The following IL17B variants were observed in gnomAD, a reference collection of about 807,000 sequenced individuals.
IL17B encodes interleukin 17B, also known as interleukin-17B.
Under a neutral mutation model 14.7 loss-of-function variants are expected in IL17B, and 14 were observed. The observed-to-expected ratio is 0.95, with a 90% confidence interval of 0.63 to 1.49. IL17B has a LOEUF of 1.49. Among genes scored for constraint, IL17B ranks in the 40% most tolerant of loss-of-function variants. IL17B has a pLI of 0.00. For missense variants in IL17B, 233 were observed against 252.8 expected, an observed-to-expected ratio of 0.92 and a Z score of 0.53; for synonymous variants, 105 against 94.8, an observed-to-expected ratio of 1.11 and a Z score of -0.62.
intron 1 of IL17B, among the ~76,000 whole-genome samples, chr5:149,397,295 G>C (rs1253429433): frequency 6.6e-6 from 1 of 151,970 alleles, no homozygotes; most frequent in Non-Finnish European, 1.5e-5. Flanking sequence ...TCAGCCTCCC[G>C]AGTAGCAGGA....
rs1491235916 is a variant in IL17B at position 149,390,630 on chromosome 5, C to CACACACACAGAG, written n.95+13477_95+13478insCTCTGTGTGTGT. On this transcript the variant is annotated intron_variant and non_coding_transcript_variant, in intron 1 of 2. Coordinates refer to the IL17B transcript ENST00000505432. ...ACACACACACACACACACACACACACAGAGATACACAAGGCCCTCCAAGTC... is the reference window on the plus strand; with the variant it reads ...ACACACACACACACACACACACACACACACACACAGAGAGAGATACACAAGGCCCTCCAAGTC... 5.1e-3 allele frequency among the ~76,000 whole-genome samples: 667 copies of CACACACACAGAG among 132,020 alleles called. 6 individuals are homozygous for CACACACACAGAG. The highest frequency in any genetic ancestry group is 0.011 in the African/African-American group (372 of 34,548). 86.6% of individuals were successfully genotyped at this position (132,020 alleles called of 152,430 possible).
intron 1 of IL17B, among the ~76,000 whole-genome samples, chr5:149,399,310 C>T (rs1182384688): frequency 6.6e-6 from 1 of 152,194 alleles, no homozygotes; most frequent in African/African-American, 2.4e-5. Context: ...GTTAGTGGCA[C>T]AACTGGGCCA....
At chr5:149,384,623 TG>T (rs1758782974) in intron 1 of IL17B, among the ~76,000 whole-genome samples, 1 of 151,872 alleles carries the variant, frequency 6.6e-6, no homozygotes, top group Non-Finnish European at 1.5e-5. Context: ...GAAAGAGAGG[TG>T]GGGGGTTAAC....
chr5:149,397,475 T>A lies in IL17B; in HGVS notation n.95+6633A>T, dbSNP rs538139653. On this transcript the variant is annotated intron_variant and non_coding_transcript_variant, in intron 1 of 2. Transcript: ENST00000505432. ...TGAACCACCGTGGCTGGCCCATTTT[T>A]AAACTTTTATCTTTTACCTTAAGTA... Among the ~76,000 whole-genome samples the A allele has an allele frequency of 1.2e-3, 177 of 152,318 alleles. 1 individual carries two copies. Among genetic ancestry groups the A allele is most frequent in the African/African-American group, 3.9e-3 (164 of 41,586 alleles).
chr5:149,380,591 GTC>G (rs1758667529), upstream of IL17B, among the ~76,000 whole-genome samples: 2 of 152,180 alleles, frequency 1.3e-5, no homozygotes, highest in Non-Finnish European at 2.9e-5. Context: ...TCTGGCCAAT[GTC>G]TCTCACCTCA....
chr5:149,390,630 C>CAGAGAG lies in IL17B; in HGVS notation n.95+13477_95+13478insCTCTCT, dbSNP rs1554108482. On this transcript the variant is annotated intron_variant and non_coding_transcript_variant, in intron 1 of 2. Coordinates refer to the IL17B transcript ENST00000505432. ...ACACACACACACACACACACACACA[C>CAGAGAG]AGAGATACACAAGGCCCTCCAAGTC... 5.7e-4 allele frequency among the ~76,000 whole-genome samples: 75 copies of CAGAGAG among 132,072 alleles called. 1 individual carries two copies. Among genetic ancestry groups the CAGAGAG allele is most frequent in the African/African-American group, 1.9e-3 (64 of 34,576 alleles). 86.6% of individuals were successfully genotyped at this position (132,072 alleles called of 152,430 possible).
At chr5:149,401,868 C>G (rs1168498644) in intron 1 of IL17B, among the ~76,000 whole-genome samples, 3 of 152,202 alleles carry the variant, frequency 2.0e-5, no homozygotes, top group Non-Finnish European at 4.4e-5. Context: ...ACCCCAAATT[C>G]CCTCCACCCA....
intron 1 of IL17B, among the ~76,000 whole-genome samples, chr5:149,389,670 G>A (rs1377483056): frequency 1.3e-5 from 2 of 152,220 alleles, no homozygotes; most frequent in African/African-American, 4.8e-5. Context: ...ATTTCACAGA[G>A]TTGTACTCCA....
intron 1 of IL17B, among the ~76,000 whole-genome samples, chr5:149,394,890 G>T (rs1759059763): frequency 6.6e-6 from 1 of 151,888 alleles, no homozygotes; most frequent in Non-Finnish European, 1.5e-5. Flanking sequence ...TTTTATTTTA[G>T]GTTTAAGGGT....
intron 1 of IL17B, among the ~76,000 whole-genome samples, chr5:149,385,372 A>T (rs1254724106): frequency 1.3e-5 from 2 of 152,120 alleles, no homozygotes; most frequent in African/African-American, 2.4e-5. Flanking sequence ...AACAAAAAAA[A>T]ATCCTGACCT....
intron 1 of IL17B, among the ~76,000 whole-genome samples, chr5:149,385,472 A>G (rs972107147): frequency 6.6e-6 from 1 of 152,222 alleles, no homozygotes; most frequent in African/African-American, 2.4e-5. Context: ...GTTCCCTTCT[A>G]GCCTTGAGAG....
At chr5:149,402,846 A>C (rs1339893032) in intron 1 of IL17B, among the ~76,000 whole-genome samples, 2 of 151,688 alleles carry the variant, frequency 1.3e-5, no homozygotes, top group African/African-American at 2.4e-5. Context: ...TATTAAAAAT[A>C]CAAAAAATTA....
chr5:149,376,276 C>A (rs353267), intron 2 of IL17B, among the ~76,000 whole-genome samples: 1 of 152,140 alleles, frequency 6.6e-6, no homozygotes, highest in Admixed American at 6.5e-5. Flanking sequence ...CTGGGCCTCA[C>A]CGCTGGAGGT....
chr5:149,394,707 C>T (rs904249061), intron 1 of IL17B, among the ~76,000 whole-genome samples: 4 of 152,162 alleles, frequency 2.6e-5, no homozygotes, highest in African/African-American at 7.2e-5. Context: ...TATATTTTGA[C>T]GTCTTGCATA....
At chr5:149,378,067 C>T (rs971367092) in intron 1 of IL17B, among the ~76,000 whole-genome samples, 6 of 152,022 alleles carry the variant, frequency 3.9e-5, no homozygotes, top group Admixed American at 6.6e-5. Flanking sequence ...TGGCCTGAAC[C>T]CGGGAGGCGG....
intron 1 of IL17B, among the ~76,000 whole-genome samples, chr5:149,386,805 A>C (rs527830553): frequency 6.6e-6 from 1 of 152,328 alleles, no homozygotes; most frequent in Non-Finnish European, 1.5e-5. Flanking sequence ...TCCCGGGTTC[A>C]AGCGATTCTC....
At chr5:149,401,581 A>G (rs1759206737) in intron 1 of IL17B, among the ~76,000 whole-genome samples, 1 of 152,066 alleles carries the variant, frequency 6.6e-6, no homozygotes, top group African/African-American at 2.4e-5. Flanking sequence ...GCACATCTCT[A>G]CTAACAGTAC....
At chr5:149,403,502 T>C (rs1464529269) in intron 1 of IL17B, among the ~76,000 whole-genome samples, 1 of 152,148 alleles carries the variant, frequency 6.6e-6, no homozygotes, top group East Asian at 1.9e-4. Context: ...ATACCAACTC[T>C]ACCAACAAAA....
rs1161103521 is a variant in IL17B, at chr5:149,384,388, C to T, written n.96-7363G>A. On this transcript the variant is annotated intron_variant and non_coding_transcript_variant, in intron 1 of 2. Coordinates refer to the IL17B transcript ENST00000505432. Reference sequence around the variant, plus strand: ...AATGGTACTTAATATTTGGCAAGTTCGGGCTGATATTTTGTAATTTGGTTT... The same window carrying T: ...AATGGTACTTAATATTTGGCAAGTTTGGGCTGATATTTTGTAATTTGGTTT... Among the ~76,000 whole-genome samples, 9 of 152,156 alleles carry T rather than the reference C, an allele frequency of 5.9e-5. No individual in the cohort carries two copies. The South Asian group carries it at 1.5e-3, about 25-fold the overall frequency.
Sources: allele counts gnomAD v4.1 joint callset (sites outside exome capture counted in the v4.1 genomes callset), GRCh38; gene constraint gnomAD v4.1.1; transcripts MANE v1.5; gene names NCBI Gene and HGNC (gene_info 2026-07-23, HGNC 2026-07-21).